MED13L: variants seen among roughly 807,000 people sequenced by gnomAD.
MED13L encodes the protein mediator complex subunit 13L.
In MED13L, 7 loss-of-function variants were observed where a neutral mutation model predicts 220.9. The ratio of observed to expected loss-of-function variants is 0.03; its 90% CI spans 0.02 to 0.06. The LOEUF (loss-of-function observed/expected upper bound fraction) is 0.06. Ranked by LOEUF, MED13L falls within the 10% of genes least tolerant of loss-of-function variation. The pLI is 1.00. For synonymous variants in MED13L, 1,011 were observed against 1,015.2 expected, an observed-to-expected ratio of 1.00 and a Z score of 0.08; for missense variants, 1,965 against 2,760.5, an observed-to-expected ratio of 0.71 and a Z score of 6.46.
At chr12:116,271,582 C>T (rs990243693) in intron 1 of MED13L, among the ~76,000 whole-genome samples, 2 of 150,226 alleles carry the variant, frequency 1.3e-5, no homozygotes, top group South Asian at 2.1e-4. Context: ...GCCGCGATCG[C>T]GCCACTGCAC....
intron 2 of MED13L, among the ~76,000 whole-genome samples, chr12:116,162,279 A>G (rs1174119496): frequency 6.6e-6 from 1 of 152,146 alleles, no homozygotes; most frequent in African/African-American, 2.4e-5. Context: ...CCTCATTCCC[A>G]CCTCACAAAA....
intron 23 of MED13L, among the ~76,000 whole-genome samples, chr12:115,977,872 G>A (rs1049837229): frequency 2.6e-5 from 4 of 152,138 alleles, no homozygotes; most frequent in Admixed American, 2.6e-4. Context: ...GCACATGCCT[G>A]TAGTCCCAGC....
At chr12:115,964,677 T>A (rs995238133) in intron 29 of MED13L, among the ~76,000 whole-genome samples, 3 of 152,196 alleles carry the variant, frequency 2.0e-5, no homozygotes, top group Admixed American at 2.0e-4. Context: ...CACTGTCCCA[T>A]CCTATCCCTG....
chr12:116,023,740 G>A (rs997830991), intron 4 of MED13L, among the ~76,000 whole-genome samples: 5 of 151,818 alleles, frequency 3.3e-5, no homozygotes, highest in African/African-American at 1.2e-4. Flanking sequence ...TTGGTATCTG[G>A]GTATTTAACA....
intron 1 of MED13L, among the ~76,000 whole-genome samples, chr12:116,254,348 CA>C (rs1223181805): frequency 2.6e-5 from 4 of 151,770 alleles, no homozygotes; most frequent in Non-Finnish European, 5.9e-5. Flanking sequence ...CAAGGATTTA[CA>C]AAAAAAGCTA....
At chr12:116,183,787 C>T in intron 2 of MED13L, among the ~76,000 whole-genome samples, 1 of 144,606 alleles carries the variant, frequency 6.9e-6, no homozygotes. Context: ...GTCATAAATT[C>T]TTGTGTAGAA....
At chr12:116,202,619 G>A (rs1392775655) in intron 2 of MED13L, among the ~76,000 whole-genome samples, 1 of 152,138 alleles carries the variant, frequency 6.6e-6, no homozygotes, top group African/African-American at 2.4e-5. Flanking sequence ...CAAGCTGTAT[G>A]ACACTGAGCA....
intron 1 of MED13L, among the ~76,000 whole-genome samples, chr12:116,248,883 T>C (rs916770240): frequency 6.6e-6 from 1 of 152,168 alleles, no homozygotes; most frequent in East Asian, 1.9e-4. Flanking sequence ...GGACAGAATA[T>C]ATAAAATTAC....
intron 2 of MED13L, among the ~76,000 whole-genome samples, chr12:116,194,428 G>A (rs1881489729): frequency 1.3e-5 from 2 of 151,898 alleles, no homozygotes; most frequent in African/African-American, 4.8e-5. Context: ...GCCTCCCAAA[G>A]TGCTGGGATT....
At chr12:116,266,396 G>A (rs1872832338) in intron 1 of MED13L, among the ~76,000 whole-genome samples, 1 of 152,182 alleles carries the variant, frequency 6.6e-6, no homozygotes, top group Non-Finnish European at 1.5e-5. Context: ...GTGCCCACAA[G>A]CAGGGAAAGG....
chr12:116,068,819 T>C (rs747516268), intron 4 of MED13L, among the ~76,000 whole-genome samples: 3 of 127,892 alleles, frequency 2.3e-5, no homozygotes, highest in Non-Finnish European at 4.7e-5. Context: ...TGTACAACCA[T>C]ACACTACCAC....
chr12:116,068,601 G>C (rs1335205539), intron 4 of MED13L, among the ~76,000 whole-genome samples: 4 of 152,148 alleles, frequency 2.6e-5, no homozygotes, highest in African/African-American at 7.2e-5. Context: ...TGCTGCCTCT[G>C]TTTATTGCCC....
chr12:116,266,584 A>C (rs908793771), intron 1 of MED13L, among the ~76,000 whole-genome samples: 2 of 152,252 alleles, frequency 1.3e-5, no homozygotes, highest in African/African-American at 4.8e-5. Context: ...AACACTAAGC[A>C]TAAGTTTATT....
intron 7 of MED13L, 142 bp from the exon 8 acceptor site, chr12:116,015,416 ACTAT>A: frequency 1.2e-6 from 1 of 846,264 alleles, no homozygotes; most frequent in Admixed American, 2.0e-5. Flanking sequence ...TGGCAATAAC[ACTAT>A]CTATAATCAT....
At chr12:116,172,152 C>A (rs1333851209) in intron 2 of MED13L, among the ~76,000 whole-genome samples, 4 of 152,178 alleles carry the variant, frequency 2.6e-5, no homozygotes, top group Non-Finnish European at 4.4e-5. Context: ...AATCCCCTAA[C>A]ACACACCCTA....
At chr12:116,184,617 C>T (rs7132967) in intron 2 of MED13L, among the ~76,000 whole-genome samples, 111,390 of 152,068 alleles carry the variant, frequency 0.73, 42,397 homozygotes, top group East Asian at 1. Context: ...TGTGAACAGT[C>T]TACGGAGATG....
intron 23 of MED13L, 104 bp downstream of exon 23, chr12:115,980,646 G>A: frequency 8.1e-7 from 1 of 1,232,688 alleles, no homozygotes; most frequent in Non-Finnish European, 1.2e-6. Flanking sequence ...TATCAATGTA[G>A]AAGACCAACT....
chr12:116,237,415 T>C, intron 2 of MED13L, 53 bp downstream of exon 2: 1 of 1,352,052 alleles, frequency 7.4e-7, no homozygotes, highest in South Asian at 1.2e-5. Flanking sequence ...AATTTATCAA[T>C]GTTCAAAAAA....
chr12:116,199,169 AT>A (rs1050770585), intron 2 of MED13L, among the ~76,000 whole-genome samples: 1 of 151,798 alleles, frequency 6.6e-6, no homozygotes, highest in Non-Finnish European at 1.5e-5. Context: ...TTCTGGTCCC[AT>A]TTTTTTTATC....
Sources: gnomAD v4.1 joint callset for allele counts (sites outside exome capture counted in the v4.1 genomes callset) on GRCh38, gnomAD v4.1.1 for gene constraint, MANE v1.5 for transcripts, NCBI Gene and HGNC (gene_info 2026-07-23, HGNC 2026-07-21) for gene names.